The following NALF1 variants were observed in gnomAD, a reference collection of about 807,000 sequenced individuals.
NALF1 encodes family with sequence similarity 155 member A.
NALF1 carries 3 observed loss-of-function variants against 48.4 expected under a neutral mutation model. The ratio of observed to expected loss-of-function variants is 0.06; its 90% CI spans 0.03 to 0.16. The LOEUF (loss-of-function observed/expected upper bound fraction) is 0.16. Among genes scored for constraint, NALF1 ranks in the 10% least tolerant of loss-of-function variants. The pLI is 1.00. For synonymous variants in NALF1, 262 were observed against 245.7 expected, an observed-to-expected ratio of 1.07 and a Z score of -0.62; for missense variants, 526 against 571.5, an observed-to-expected ratio of 0.92 and a Z score of 0.81.
chr13:107,478,115 C>G (rs1360533425), intron 1 of NALF1, among the ~76,000 whole-genome samples: 1 of 152,148 alleles, frequency 6.6e-6, no homozygotes, highest in Non-Finnish European at 1.5e-5. Flanking sequence ...GTCTGTCTAA[C>G]TCTTATTGCA....
chr13:107,604,314 C>CT (rs1385032050), intron 1 of NALF1, among the ~76,000 whole-genome samples: 6 of 151,960 alleles, frequency 3.9e-5, no homozygotes, highest in African/African-American at 1.2e-4. Context: ...ATTATTTTGT[C>CT]TTTTTTTTAA....
intron 1 of NALF1, among the ~76,000 whole-genome samples, chr13:107,297,468 A>C (rs1328413689): frequency 6.6e-6 from 1 of 152,330 alleles, no homozygotes; most frequent in Non-Finnish European, 1.5e-5. Flanking sequence ...AAAGGGAAGG[A>C]TATCTGACTT....
chr13:107,719,886 A>G (rs1875932900), intron 1 of NALF1, among the ~76,000 whole-genome samples: 1 of 152,086 alleles, frequency 6.6e-6, no homozygotes, highest in Non-Finnish European at 1.5e-5. Flanking sequence ...ATATGACTGC[A>G]TGGCTGATTT....
At chr13:107,282,589 T>C (rs1881410598) in intron 1 of NALF1, among the ~76,000 whole-genome samples, 1 of 152,200 alleles carries the variant, frequency 6.6e-6, no homozygotes, top group South Asian at 2.1e-4. Flanking sequence ...GTGCGACTTC[T>C]CAGGCCAGGT....
At chr13:107,442,854 T>C (rs1198708093) in intron 1 of NALF1, among the ~76,000 whole-genome samples, 2 of 152,188 alleles carry the variant, frequency 1.3e-5, no homozygotes, top group Non-Finnish European at 2.9e-5. Context: ...AAGTTTTAAC[T>C]ATTGATATAA....
At chr13:107,270,779 G>A (rs1418351964) in intron 1 of NALF1, among the ~76,000 whole-genome samples, 1 of 151,358 alleles carries the variant, frequency 6.6e-6, no homozygotes, top group Non-Finnish European at 1.5e-5. Flanking sequence ...TCGTCATTTA[G>A]CATTAGGTAT....
At chr13:107,318,694 C>T (rs928131624) in intron 1 of NALF1, among the ~76,000 whole-genome samples, 1 of 152,074 alleles carries the variant, frequency 6.6e-6, no homozygotes, top group South Asian at 2.1e-4. Context: ...AACGATTCTA[C>T]TTTTACTAAT....
intron 1 of NALF1, among the ~76,000 whole-genome samples, chr13:107,419,115 C>T (rs1884141498): frequency 6.6e-6 from 1 of 152,166 alleles, no homozygotes; most frequent in South Asian, 2.1e-4. Context: ...AGTGCAGATT[C>T]ACTAAGCTGC....
chr13:107,168,793 T>C lies in NALF1; in HGVS notation c.*1704A>G, dbSNP rs1878723652. ...GTATGATGCAGAGGTTAAAGTCTGT[T>C]TGAACAAAAACAAATGCCCGGGGAA... On this transcript the variant is annotated 3_prime_UTR_variant, in exon 3 of 3. Coordinates refer to ENST00000375915, the MANE Select transcript of NALF1 (RefSeq NM_001080396.3). The C allele has an allele frequency of 6.6e-6, 1 of 152,612 alleles. No individual in the cohort carries two copies. Among genetic ancestry groups the C allele is most frequent in the African/African-American group, 2.4e-5 (1 of 41,446 alleles). The allele number at this position is 152,612 out of a possible 1,614,324, so 9.5% of individuals were successfully genotyped here. A position where few individuals can be genotyped will look rare whatever the true frequency, so the allele number is the denominator to read the frequency against.
intron 1 of NALF1, among the ~76,000 whole-genome samples, chr13:107,458,172 T>A (rs888150658): frequency 2.6e-5 from 4 of 152,188 alleles, no homozygotes; most frequent in African/African-American, 9.6e-5. Context: ...AAAGAAACAG[T>A]ATATTCTATG....
In NALF1 at chr13:107,170,514, A is replaced by AGTT. The variant is rs1168448789; in HGVS notation, c.1357_1359dup (p.Asn453dup). The AGTT allele has an allele frequency of 6.2e-7, 1 of 1,601,168 alleles. No homozygotes were observed. The highest frequency in any genetic ancestry group is 1.7e-5 in the Admixed American group (1 of 59,870). Reference sequence around the variant, plus strand: ...TCCTTCCGTTACTCCTCATTGGTTGAGTTTTCTTCCAGCGTGTTGATGCCT... The same window carrying AGTT: ...TCCTTCCGTTACTCCTCATTGGTTGAGTTGTTTTCTTCCAGCGTGTTGATGCCT... On this transcript the variant is annotated inframe_insertion, in exon 3 of 3. Transcript: ENST00000375915.
At chr13:107,348,634 CT>C (rs1272415202) in intron 1 of NALF1, among the ~76,000 whole-genome samples, 2 of 152,032 alleles carry the variant, frequency 1.3e-5, no homozygotes, top group Admixed American at 1.3e-4. Flanking sequence ...TGATGTTCCC[CT>C]CCCTGTGTCC....
At chr13:107,688,897 A>G (rs914061777) in intron 1 of NALF1, among the ~76,000 whole-genome samples, 5 of 152,174 alleles carry the variant, frequency 3.3e-5, no homozygotes, top group African/African-American at 9.7e-5. Flanking sequence ...AATGACACCA[A>G]AGTGCTGCAG....
intron 1 of NALF1, among the ~76,000 whole-genome samples, chr13:107,354,290 C>T (rs1031216201): frequency 9.9e-5 from 15 of 151,888 alleles, no homozygotes; most frequent in African/African-American, 2.2e-4. Flanking sequence ...TTGTGCTGCA[C>T]GACATGTGAG....
chr13:107,596,630 A>G (rs1302423114), intron 1 of NALF1, among the ~76,000 whole-genome samples: 1 of 152,078 alleles, frequency 6.6e-6, no homozygotes, highest in Non-Finnish European at 1.5e-5. Context: ...ACGAGAACAC[A>G]TGGATACAGG....
rs374819994 is a variant in NALF1, at chr13:107,826,412, A to C, written c.915+39270T>G. 3.9e-5 allele frequency among the ~76,000 whole-genome samples: 6 copies of C among 152,208 alleles called. No homozygotes were observed. In the East Asian group the frequency reaches 1.2e-3, roughly 29 times the overall value. ...AATGCCCACAGTTCAAGAGCTGCCAAGCCCACCCAATAGCATGTGCATGCT... is the reference window on the plus strand; with the variant it reads ...AATGCCCACAGTTCAAGAGCTGCCACGCCCACCCAATAGCATGTGCATGCT... On this transcript the variant is annotated intron_variant, in intron 1 of 2. Coordinates refer to ENST00000375915, the MANE Select transcript of NALF1 (RefSeq NM_001080396.3).
chr13:107,296,305 A>G (rs1301150021), intron 1 of NALF1, among the ~76,000 whole-genome samples: 1 of 152,204 alleles, frequency 6.6e-6, no homozygotes, highest in East Asian at 1.9e-4. Flanking sequence ...TATCAGAATA[A>G]TAACTAGAAG....
intron 1 of NALF1, among the ~76,000 whole-genome samples, chr13:107,726,677 TCTGTTCACTGCAA>T (rs1216128851): frequency 6.7e-6 from 1 of 150,136 alleles, no homozygotes; most frequent in Non-Finnish European, 1.5e-5. Flanking sequence ...TGGCGCTATC[TCTGTTCACTGCAA>T]CCTCCGCCTC....
intron 1 of NALF1, among the ~76,000 whole-genome samples, chr13:107,654,246 T>C (rs979246564): frequency 3.3e-5 from 5 of 152,176 alleles, no homozygotes; most frequent in African/African-American, 1.2e-4. Flanking sequence ...TCAAGGCTAC[T>C]GTAAACACCT....
Sources: allele counts gnomAD v4.1 joint callset (sites outside exome capture counted in the v4.1 genomes callset), GRCh38; gene constraint gnomAD v4.1.1; transcripts MANE v1.5; gene names NCBI Gene and HGNC (gene_info 2026-07-23, HGNC 2026-07-21).